The following YAP1 variants were observed in gnomAD, a reference collection of about 807,000 sequenced individuals.
YAP1 encodes the protein Yes1 associated transcriptional regulator.
YAP1 carries 5 observed loss-of-function variants against 56.9 expected under a neutral mutation model. The ratio of observed to expected loss-of-function variants is 0.09; its 90% CI spans 0.05 to 0.18. YAP1 has a LOEUF of 0.18. Ranked by LOEUF, YAP1 falls within the 10% of genes least tolerant of loss-of-function variation. The pLI is 1.00. For synonymous variants in YAP1, 265 were observed against 248.1 expected (o/e 1.07, Z -0.64); for missense variants, 539 against 651.8 (o/e 0.83, Z 1.88).
At chr11:102,187,837 G>C (rs1948057752) in intron 4 of YAP1, among the ~76,000 whole-genome samples, 1 of 152,176 alleles carries the variant, frequency 6.6e-6, no homozygotes, top group South Asian at 2.1e-4. Context: ...TGTACACACA[G>C]GCATACAGTT....
At chr11:102,143,594 C>T (rs1472392591) in intron 2 of YAP1, among the ~76,000 whole-genome samples, 1 of 152,132 alleles carries the variant, frequency 6.6e-6, no homozygotes, top group African/African-American at 2.4e-5. Flanking sequence ...ATGTGTGATA[C>T]TACTACTACA....
chr11:102,230,095 TG>T lies in YAP1; in HGVS notation c.*156del. 1 of 646,970 alleles carries T rather than the reference TG, an allele frequency of 1.5e-6. No homozygotes were observed. Among genetic ancestry groups the T allele is most frequent in the Non-Finnish European group, 2.7e-6 (1 of 372,906 alleles). 40.1% of individuals were successfully genotyped at this position (646,970 alleles called of 1,614,324 possible). A position where few individuals can be genotyped will look rare whatever the true frequency, so the allele number is the denominator to read the frequency against. On this transcript the variant is annotated 3_prime_UTR_variant, in exon 9 of 9. Coordinates refer to ENST00000282441, the MANE Select transcript of YAP1 (RefSeq NM_001130145.3). The stretch of plus-strand genomic sequence containing the variant: ...TTTAATCCTCTATTTTGCTCTTCCT[TG>T]TCCATTGCTGCTGTTAATGTATTGC...
chr11:102,120,004 G>A (rs2135153125), intron 2 of YAP1, among the ~76,000 whole-genome samples: 1 of 152,276 alleles, frequency 6.6e-6, no homozygotes, highest in African/African-American at 2.4e-5. Context: ...TGTATAAAGG[G>A]AGGTCTTAAA....
intron 3 of YAP1, among the ~76,000 whole-genome samples, chr11:102,167,157 A>G (rs946460112): frequency 1.3e-5 from 2 of 152,216 alleles, no homozygotes; most frequent in Non-Finnish European, 2.9e-5. Context: ...CACCCAAAAC[A>G]AAGATGCACC....
rs1565300595 is a variant in YAP1 at position 102,233,325 on chromosome 11, A to G, written c.*3385A>G. The G allele has an allele frequency of 6.6e-6, 1 of 152,198 alleles. No homozygotes were observed. The highest frequency in any genetic ancestry group is 6.5e-5 in the Admixed American group (1 of 15,280). The allele number at this position is 152,198 out of a possible 1,614,324, so 9.4% of individuals were successfully genotyped here. A position where few individuals can be genotyped will look rare whatever the true frequency, so the allele number is the denominator to read the frequency against. On this transcript the variant is annotated 3_prime_UTR_variant, in exon 9 of 9. Coordinates refer to ENST00000282441, the MANE Select transcript of YAP1 (RefSeq NM_001130145.3). ...TTGTTTTAGATGTAAGAGCATGCTC[A>G]TATGTTAGGTACTTACATAAATTGT... is the stretch of plus-strand genomic sequence containing the variant.
In YAP1 at chr11:102,162,594, A is replaced by G. The variant is rs1388520528; in HGVS notation, c.688+23A>G. The G allele has an allele frequency of 5.0e-6, 8 of 1,598,858 alleles. No homozygotes were observed. The Admixed American group carries it at 1.2e-4, about 23-fold the overall frequency. Reference sequence around the variant, plus strand: ...CAGGTGAGTGAGACACTGTAATTACAGCACATGGAGTAATGCTTACGCATT... The same window carrying G: ...CAGGTGAGTGAGACACTGTAATTACGGCACATGGAGTAATGCTTACGCATT... On this transcript the variant is annotated intron_variant, in intron 3 of 8. Coordinates refer to ENST00000282441, the MANE Select transcript of YAP1 (RefSeq NM_001130145.3).
intron 2 of YAP1, among the ~76,000 whole-genome samples, chr11:102,144,880 ACACACACTCATGCT>A (rs888313270): frequency 1.0e-3 from 33 of 33,090 alleles, no homozygotes; most frequent in Non-Finnish European, 1.8e-3. Flanking sequence ...ACACACACAT[ACACACACTCATGCT>A]CACACACTCA....
At chr11:102,218,311 C>G (rs1057173359) in intron 6 of YAP1, among the ~76,000 whole-genome samples, 2 of 152,166 alleles carry the variant, frequency 1.3e-5, no homozygotes, top group African/African-American at 4.8e-5. Context: ...TTGCATATAA[C>G]CTACACACAT....
intron 3 of YAP1, among the ~76,000 whole-genome samples, chr11:102,165,402 A>G (rs1348416062): frequency 6.6e-6 from 1 of 152,120 alleles, no homozygotes. Context: ...TAAAATATGA[A>G]ATGTTTTAAT....
chr11:102,201,268 G>A (rs1948841208), intron 4 of YAP1, among the ~76,000 whole-genome samples: 1 of 152,106 alleles, frequency 6.6e-6, no homozygotes, highest in Non-Finnish European at 1.5e-5. Context: ...TGTTACAAAG[G>A]CAAAAGCAAA....
chr11:102,233,093 C>T lies in YAP1; in HGVS notation c.*3153C>T, dbSNP rs542838961. 2.0e-5 allele frequency: 3 copies of T among 152,250 alleles called. No individual in the cohort carries two copies. Among genetic ancestry groups the T allele is most frequent in the East Asian group, 3.9e-4 (2 of 5,192 alleles). The allele number at this position is 152,250 out of a possible 1,614,324, so 9.4% of individuals were successfully genotyped here. On this transcript the variant is annotated 3_prime_UTR_variant, in exon 9 of 9. Coordinates refer to ENST00000282441, the MANE Select transcript of YAP1 (RefSeq NM_001130145.3). ...TATTCAGTGCTTAACACTTTTCTAG[C>T]GTTGGTACATCTGAGAAATGAGTGC...
At chr11:102,112,853 A>G (rs992354074) in intron 1 of YAP1, 1 of 851,646 alleles carries the variant, frequency 1.2e-6, no homozygotes, top group Admixed American at 6.2e-5. Flanking sequence ...AAAGTATAAT[A>G]CACATAGATT....
chr11:102,184,032 C>G (rs1365273360), intron 3 of YAP1, among the ~76,000 whole-genome samples: 18 of 148,158 alleles, frequency 1.2e-4, no homozygotes, highest in Non-Finnish European at 1.6e-4. Context: ...AGCCGAGATC[C>G]CGCCACTGCA....
chr11:102,179,070 C>A (rs1484730608), intron 3 of YAP1, among the ~76,000 whole-genome samples: 1 of 144,954 alleles, frequency 6.9e-6, no homozygotes, highest in Non-Finnish European at 1.5e-5. Context: ...CCCAGTCACC[C>A]CCCACCAGGC....
chr11:102,132,398 T>C (rs994050804), intron 2 of YAP1, among the ~76,000 whole-genome samples: 2 of 152,238 alleles, frequency 1.3e-5, no homozygotes, highest in African/African-American at 4.8e-5. Flanking sequence ...TCAGTTTACT[T>C]TGCATTCTGA....
chr11:102,226,092 G>A (rs557381666), intron 7 of YAP1, among the ~76,000 whole-genome samples: 18 of 152,338 alleles, frequency 1.2e-4, no homozygotes, highest in African/African-American at 4.1e-4. Flanking sequence ...TCTGATGTGT[G>A]TCCCATGCTT....
At chr11:102,157,011 G>T (rs1252986898) in intron 2 of YAP1, among the ~76,000 whole-genome samples, 1 of 152,170 alleles carries the variant, frequency 6.6e-6, no homozygotes, top group Non-Finnish European at 1.5e-5. Flanking sequence ...ATAGTGTGGT[G>T]TACAGTTTGT....
intron 4 of YAP1, among the ~76,000 whole-genome samples, chr11:102,201,629 ATT>A (rs1233067672): frequency 1.3e-5 from 2 of 152,188 alleles, no homozygotes; most frequent in Non-Finnish European, 2.9e-5. Context: ...TCATAATGTT[ATT>A]TTTAGATGAT....
intron 4 of YAP1, among the ~76,000 whole-genome samples, chr11:102,204,599 A>G (rs1030727096): frequency 1.3e-5 from 2 of 152,188 alleles, no homozygotes; most frequent in African/African-American, 2.4e-5. Context: ...AGTCTCCAAG[A>G]AGAAATGGCA....
Sources: gnomAD v4.1 joint callset for allele counts (sites outside exome capture counted in the v4.1 genomes callset) on GRCh38, gnomAD v4.1.1 for gene constraint, MANE v1.5 for transcripts, NCBI Gene and HGNC (gene_info 2026-07-23, HGNC 2026-07-21) for gene names.